The following RABGEF1 variants were observed in gnomAD, a reference collection of about 807,000 sequenced individuals.
The protein encoded by RABGEF1 is RAB guanine nucleotide exchange factor 1.
In RABGEF1, 26 loss-of-function variants were observed where a neutral mutation model predicts 57.3. That is an observed-to-expected ratio of 0.45 (90% CI 0.33 to 0.63). The LOEUF is 0.63. RABGEF1 is among the 20% of genes least tolerant of loss of function. The probability of loss-of-function intolerance (pLI) is 0.02; values close to 1 mark genes in which losing one functional copy is unlikely to be tolerated. For synonymous variants in RABGEF1, 185 were observed against 210.7 expected (o/e 0.88, Z 1.06); for missense variants, 464 against 607.6 (o/e 0.76, Z 2.48).
At position 66,699,693 on chromosome 7, in the gene RABGEF1, A is replaced by G. The variant is rs1792928275; in HGVS notation, c.-872-12474A>G. Among the ~76,000 whole-genome samples the G allele has an allele frequency of 5.1e-5, 3 of 59,178 alleles. No homozygotes were observed. In the South Asian group the frequency reaches 2.7e-3, roughly 53 times the overall value. The allele number at this position is 59,178 out of a possible 152,430, so 38.8% of individuals were successfully genotyped here. The stretch of plus-strand genomic sequence containing the variant: ...GGTGACAGAGCAAAATTCCATCTCA[A>G]AAAAAAAAAACAAAACTGGTGTGGT... On this transcript the variant is annotated intron_variant and NMD_transcript_variant, in intron 1 of 9. Transcript: ENST00000607882.
chr7:66,681,485 T>C (rs1789732310), upstream of RABGEF1, among the ~76,000 whole-genome samples: 1 of 150,484 alleles, frequency 6.6e-6, no homozygotes, highest in Non-Finnish European at 1.5e-5. Flanking sequence ...CACCCTCAAC[T>C]TCCTGGGCTA....
chr7:66,672,899 C>G, the RABGEF1 span, among the ~76,000 whole-genome samples: 1 of 150,848 alleles, frequency 6.6e-6, no homozygotes, highest in South Asian at 2.1e-4. Flanking sequence ...CTCTGCAGAA[C>G]TATAAAAAGA....
upstream of RABGEF1, among the ~76,000 whole-genome samples, chr7:66,681,080 CA>C (rs1304173984): frequency 6.6e-6 from 1 of 151,724 alleles, no homozygotes; most frequent in African/African-American, 2.4e-5. Context: ...GCGACTGTCT[CA>C]AAAAAGAAAA....
chr7:66,721,695 C>T (rs1034460931), intron 2 of RABGEF1, among the ~76,000 whole-genome samples: 1 of 152,130 alleles, frequency 6.6e-6, no homozygotes, highest in Non-Finnish European at 1.5e-5. Flanking sequence ...AGGCTGGGTC[C>T]AGTGGCTCAC....
At chr7:66,759,724 A>T (rs186775545) in intron 1 of RABGEF1, among the ~76,000 whole-genome samples, 15,753 of 152,126 alleles carry the variant, frequency 0.1, 878 homozygotes, top group Non-Finnish European at 0.11. Flanking sequence ...AAACAACCAG[A>T]TCTCACAAGC....
chr7:66,740,714 G>T (rs528059509), upstream of RABGEF1: 1 of 152,244 alleles, frequency 6.6e-6, no homozygotes, highest in African/African-American at 2.4e-5. Flanking sequence ...GTGTGAGGCG[G>T]GAGCTGGCCG....
At chr7:66,682,021 G>A (rs1789792975), upstream of RABGEF1, 1 of 163,014 alleles carries the variant, frequency 6.1e-6, no homozygotes, top group Non-Finnish European at 1.5e-5. Flanking sequence ...TAAGCCTTTG[G>A]ATCCCGCTCG....
In RABGEF1 at chr7:66,805,186, C is replaced by T. The variant is rs974935864; in HGVS notation, c.867C>T (p.Ala289=). The part of the protein sequence containing the change: ...DSKRVPRDKL[A]CITKCSKHIF... ...AGCGTGTGCCTCGAGACAAGCTGGC[C>T]TGCATCACCAAGTGCAGCAAGCACA... The change falls in exon 8 of 9, where the codon GCC becomes GCT. Residue 289 remains alanine, a synonymous_variant. Transcript: ENST00000284957. 1.9e-6 allele frequency: 3 copies of T among 1,612,276 alleles called. No homozygotes were observed. The African/African-American group carries it at 4.0e-5, about 22-fold the overall frequency.
chr7:66,705,695 GT>G (rs1439855354), intron 1 of RABGEF1, among the ~76,000 whole-genome samples: 43 of 142,036 alleles, frequency 3.0e-4, no homozygotes, highest in Admixed American at 4.3e-4. Flanking sequence ...AGATACAAGT[GT>G]TTTTTTTTTT....
intron 1 of RABGEF1, among the ~76,000 whole-genome samples, chr7:66,687,991 A>G (rs956165656): frequency 3.3e-5 from 5 of 150,026 alleles, no homozygotes; most frequent in African/African-American, 1.2e-4. Context: ...AGGCTGAGGC[A>G]GGAGAATCGC....
At chr7:66,800,077 C>T (rs893890003) in intron 7 of RABGEF1, among the ~76,000 whole-genome samples, 3 of 152,150 alleles carry the variant, frequency 2.0e-5, no homozygotes, top group African/African-American at 7.2e-5. Flanking sequence ...CCAGTGTCTC[C>T]TTTATTAGAA....
chr7:66,738,974 A>G (rs1178682569), upstream of RABGEF1, among the ~76,000 whole-genome samples: 1 of 151,818 alleles, frequency 6.6e-6, no homozygotes, highest in Non-Finnish European at 1.5e-5. Context: ...TTTTTTGAGG[A>G]GGAGTTTCAC....
At chr7:66,687,754 G>A (rs1790905983) in intron 1 of RABGEF1, among the ~76,000 whole-genome samples, 1 of 152,128 alleles carries the variant, frequency 6.6e-6, no homozygotes, top group African/African-American at 2.4e-5. Flanking sequence ...CAATGAGATT[G>A]AAAACAAAAG....
intron 1 of RABGEF1, among the ~76,000 whole-genome samples, chr7:66,741,785 G>T (rs539963922): frequency 1.6e-4 from 25 of 152,226 alleles, no homozygotes; most frequent in African/African-American, 6.0e-4. Context: ...TCCCGCCTCG[G>T]CCTCCCAGAG....
chr7:66,710,076 C>T (rs1922723), intron 1 of RABGEF1, among the ~76,000 whole-genome samples: 15,702 of 152,242 alleles, frequency 0.1, 989 homozygotes, highest in South Asian at 0.2. Flanking sequence ...TCAGCAGCCA[C>T]GTGACTGGTA....
chr7:66,789,753 T>A (rs1306801896), intron 4 of RABGEF1, among the ~76,000 whole-genome samples: 9 of 145,232 alleles, frequency 6.2e-5, no homozygotes, highest in Non-Finnish European at 1.2e-4. Context: ...TAATTAAAAA[T>A]GTTTCATAGA....
At chr7:66,773,807 A>C (rs1384656906) in intron 2 of RABGEF1, 1 of 442,302 alleles carries the variant, frequency 2.3e-6, no homozygotes, top group Non-Finnish European at 4.5e-6. Flanking sequence ...CTAGGACTAC[A>C]GAAGTATGCC....
intron 1 of RABGEF1, among the ~76,000 whole-genome samples, chr7:66,769,184 G>T (rs1490444716): frequency 2.0e-5 from 3 of 152,196 alleles, no homozygotes; most frequent in Non-Finnish European, 4.4e-5. Context: ...AGACAGCTGG[G>T]TGATACTTCC....
chr7:66,683,535 G>A (rs1790115566), intron 1 of RABGEF1, among the ~76,000 whole-genome samples: 1 of 152,258 alleles, frequency 6.6e-6, no homozygotes, highest in African/African-American at 2.4e-5. Context: ...GTGTGGTAAG[G>A]AGTGTGAGCT....
Sources: gnomAD v4.1 joint callset for allele counts (sites outside exome capture counted in the v4.1 genomes callset) on GRCh38, gnomAD v4.1.1 for gene constraint, MANE v1.5 for transcripts, NCBI Gene and HGNC (gene_info 2026-07-23, HGNC 2026-07-21) for gene names.